Variants in ADGRL2 observed in about 807,000 individuals in gnomAD.
ADGRL2 encodes calcium-independent alpha-latrotoxin receptor 2.
A neutral mutation model predicts 157.4 loss-of-function variants in ADGRL2; 44 were observed. That is an observed-to-expected ratio of 0.28 (90% confidence interval 0.22 to 0.36). ADGRL2 has a LOEUF of 0.36. Ranked by LOEUF, ADGRL2 falls within the 10% of genes least tolerant of loss-of-function variation. The probability of loss-of-function intolerance (pLI) is 1.00; values close to 1 mark genes in which losing one functional copy is unlikely to be tolerated. For synonymous variants in ADGRL2, 585 were observed against 624.7 expected, an observed-to-expected ratio of 0.94 and a Z score of 0.95; for missense variants, 1,510 against 1,768.9, an observed-to-expected ratio of 0.85 and a Z score of 2.63.
intron 2 of ADGRL2, among the ~76,000 whole-genome samples, chr1:81,876,848 A>T (rs1175190914): frequency 1.3e-5 from 2 of 152,170 alleles, no homozygotes; most frequent in African/African-American, 2.4e-5. Flanking sequence ...AGCTAAATCT[A>T]CTTGTGGAAG....
upstream of ADGRL2, among the ~76,000 whole-genome samples, chr1:81,799,380 A>G (rs952384660): frequency 6.6e-6 from 1 of 152,236 alleles, no homozygotes; most frequent in Non-Finnish European, 1.5e-5. Context: ...ACATCAATAC[A>G]TCAGGTAGAA....
intron 1 of ADGRL2, among the ~76,000 whole-genome samples, chr1:81,802,893 G>T (rs946102164): frequency 2.6e-5 from 4 of 152,160 alleles, no homozygotes; most frequent in African/African-American, 7.2e-5. Flanking sequence ...GCCAGATGTG[G>T]TCGGGCCGCC....
chr1:81,864,907 G>A (rs1182022917), intron 2 of ADGRL2, among the ~76,000 whole-genome samples: 3 of 152,032 alleles, frequency 2.0e-5, no homozygotes, highest in East Asian at 1.9e-4. Context: ...AATCCCTTGC[G>A]CCTGTGATGC....
At chr1:81,569,185 A>G (rs186690415) in intron 2 of ADGRL2, among the ~76,000 whole-genome samples, 22 of 152,262 alleles carry the variant, frequency 1.4e-4, no homozygotes, top group Non-Finnish European at 8.8e-5. Flanking sequence ...CAATTACTAG[A>G]TGGTAGAAAG....
chr1:81,449,377 T>G (rs2077663493), intron 2 of ADGRL2, among the ~76,000 whole-genome samples: 1 of 152,140 alleles, frequency 6.6e-6, no homozygotes, highest in Non-Finnish European at 1.5e-5. Context: ...ATTGAAGGGG[T>G]CGGGTAATTC....
chr1:81,570,063 A>T (rs2080651605), intron 2 of ADGRL2, among the ~76,000 whole-genome samples: 1 of 152,150 alleles, frequency 6.6e-6, no homozygotes, highest in Non-Finnish European at 1.5e-5. Context: ...AGCAAAACAG[A>T]AGTCACAACA....
At chr1:81,976,891 A>G (rs559687283) in intron 17 of ADGRL2, among the ~76,000 whole-genome samples, 1 of 152,034 alleles carries the variant, frequency 6.6e-6, no homozygotes, top group Non-Finnish European at 1.5e-5. Flanking sequence ...TCTTTGAGGC[A>G]GTATTTTATA....
intron 3 of ADGRL2, among the ~76,000 whole-genome samples, chr1:81,931,418 T>C (rs1478534158): frequency 2.0e-5 from 3 of 152,126 alleles, no homozygotes; most frequent in African/African-American, 7.2e-5. Context: ...AGAAAGGTCT[T>C]TAAAATTGTA....
intron 3 of ADGRL2, among the ~76,000 whole-genome samples, chr1:81,661,247 T>C (rs114782895): frequency 6.6e-6 from 1 of 152,326 alleles, no homozygotes; most frequent in African/African-American, 2.4e-5. Flanking sequence ...ATCACCTTTG[T>C]AACAATGAGA....
chr1:81,759,540 A>G (rs1230913111), intron 1 of ADGRL2, among the ~76,000 whole-genome samples: 2 of 152,164 alleles, frequency 1.3e-5, no homozygotes, highest in African/African-American at 4.8e-5. Context: ...AATTCAGGAC[A>G]GTTTGAATGT....
chr1:81,406,112 G>T (rs980874430), intron 1 of ADGRL2, among the ~76,000 whole-genome samples: 8 of 152,154 alleles, frequency 5.3e-5, no homozygotes, highest in African/African-American at 1.9e-4. Context: ...CAGAACAAGA[G>T]GAGGTACACT....
chr1:81,609,731 T>C (rs1018367898), intron 3 of ADGRL2, among the ~76,000 whole-genome samples: 5 of 152,176 alleles, frequency 3.3e-5, no homozygotes, highest in Non-Finnish European at 5.9e-5. Context: ...CATCAAGCAA[T>C]CCAGAGTCTT....
At chr1:81,436,339 G>A (rs1383995043) in intron 1 of ADGRL2, among the ~76,000 whole-genome samples, 2 of 152,144 alleles carry the variant, frequency 1.3e-5, no homozygotes, top group Non-Finnish European at 2.9e-5. Flanking sequence ...CTCACTGACG[G>A]GTTTGATACC....
At chr1:81,436,733 G>T (rs189410817) in intron 1 of ADGRL2, among the ~76,000 whole-genome samples, 4 of 152,304 alleles carry the variant, frequency 2.6e-5, no homozygotes, top group Admixed American at 2.6e-4. Context: ...GTATGCCAGG[G>T]ACTGGTCTGC....
intron 2 of ADGRL2, among the ~76,000 whole-genome samples, chr1:81,556,544 T>A (rs2080284266): frequency 6.6e-6 from 1 of 150,670 alleles, no homozygotes; most frequent in African/African-American, 2.4e-5. Flanking sequence ...ATACAAAAAT[T>A]AAAAAACAAG....
chr1:81,841,393 G>C (rs967765844), intron 2 of ADGRL2, among the ~76,000 whole-genome samples: 1 of 152,106 alleles, frequency 6.6e-6, no homozygotes, highest in Non-Finnish European at 1.5e-5. Flanking sequence ...AAAAGTGTGT[G>C]TCTGTAGGGT....
chr1:81,752,723 G>A (rs988696268), intron 1 of ADGRL2, among the ~76,000 whole-genome samples: 3 of 152,078 alleles, frequency 2.0e-5, no homozygotes, highest in Non-Finnish European at 4.4e-5. Context: ...CCATGTTGCT[G>A]GGATACAGCC....
rs1659088596 is a variant in ADGRL2, at chr1:81,972,702, G to GCCT, written c.3021+784_3021+785insCCT. Among the ~76,000 whole-genome samples the GCCT allele has an allele frequency of 2.0e-5, 3 of 151,870 alleles. No individual in the cohort carries two copies. In the South Asian group the frequency reaches 6.2e-4, roughly 31 times the overall value. The stretch of plus-strand genomic sequence containing the variant: ...GAGGCAGGAGGATCACTTGAGGCAA[G>GCCT]GAGTTAGAGGCTAGCCTGGACTTCA... On this transcript the variant is annotated intron_variant, in intron 17 of 23. Coordinates refer to ENST00000686636, the MANE Select transcript of ADGRL2 (RefSeq NM_001366006.2).
At chr1:81,494,711 A>G (rs898870663) in intron 2 of ADGRL2, among the ~76,000 whole-genome samples, 1 of 152,052 alleles carries the variant, frequency 6.6e-6, no homozygotes, top group Admixed American at 6.6e-5. Flanking sequence ...CTCTTTTACA[A>G]ATTCTCTCTC....
Sources: gnomAD v4.1 joint callset for allele counts (sites outside exome capture counted in the v4.1 genomes callset) on GRCh38, gnomAD v4.1.1 for gene constraint, MANE v1.5 for transcripts, NCBI Gene and HGNC (gene_info 2026-07-23, HGNC 2026-07-21) for gene names.